The following PIK3CA variants were observed in gnomAD, a reference collection of about 807,000 sequenced individuals.
PIK3CA encodes phosphatidylinositol-4,5-bisphosphate 3-kinase catalytic subunit alpha, also known as phosphatidylinositol 4,5-bisphosphate 3-kinase catalytic subunit alpha isoform.
Under a neutral mutation model 138.2 loss-of-function variants are expected in PIK3CA, and 27 were observed. The observed-to-expected ratio is 0.20, with a 90% confidence interval of 0.14 to 0.27. PIK3CA has a LOEUF of 0.27. Among genes scored for constraint, PIK3CA ranks in the 10% least tolerant of loss-of-function variants. PIK3CA has a pLI of 1.00. For synonymous variants in PIK3CA, 358 were observed against 413.2 expected, an observed-to-expected ratio of 0.87 and a Z score of 1.62; for missense variants, 544 against 1,277.4, an observed-to-expected ratio of 0.43 and a Z score of 8.75.
Position 179,209,610 on chromosome 3 carries a change from G to A in PIK3CA, c.1161G>A (p.Leu387=). The A allele has an allele frequency of 6.2e-7, 1 of 1,602,492 alleles. No homozygotes were observed. The highest frequency in any genetic ancestry group is 1.1e-5 in the South Asian group (1 of 88,794). ...TTTTACATAGGTGGAATGAATGGCT[G>A]AATTATGATATATACATTCCTGATC... ...PCSNPRWNEW[L]NYDIYIPDLP... The change falls in exon 7 of 21, where the codon CTG becomes CTA. Residue 387 remains leucine (L), a synonymous_variant. Transcript: ENST00000263967.
intron 1 of PIK3CA, among the ~76,000 whole-genome samples, chr3:179,167,929 G>A (rs1723460202): frequency 6.6e-6 from 1 of 152,070 alleles, no homozygotes; most frequent in South Asian, 2.1e-4. Context: ...CGTGCCATTA[G>A]TGCTGCTGGA....
At chr3:179,223,275 T>G (rs1277296086) in intron 14 of PIK3CA, among the ~76,000 whole-genome samples, 7 of 152,204 alleles carry the variant, frequency 4.6e-5, no homozygotes, top group Non-Finnish European at 8.8e-5. Context: ...TTATTATAAT[T>G]CCTAGCTCCT....
chr3:179,201,432 C>A lies in PIK3CA; in HGVS notation c.705C>A (p.Ser235=), dbSNP rs879254356. The A allele has an allele frequency of 6.2e-7, 1 of 1,613,776 alleles. No homozygotes were observed. The highest frequency in any genetic ancestry group is 8.5e-7 in the Non-Finnish European group (1 of 1,179,850). Residue 235 remains serine, a synonymous_variant, in exon 4 of 21, where the codon TCC becomes TCA. Transcript: ENST00000263967. ...AAAAAACTCGAAGTATGTTGCTATC[C>A]TCTGAACAACTAAAACTCTGTGTTT... The part of the protein sequence containing the change: ...IRKKTRSMLL[S]SEQLKLCVLE...
At chr3:179,148,169 G>A (rs1560118325), upstream of PIK3CA, 1 of 149,450 alleles carries the variant, frequency 6.7e-6, no homozygotes, top group Non-Finnish European at 1.5e-5. Context: ...TCTGCCGGAG[G>A]AGGGGGGGGG....
At chr3:179,186,311 C>G (rs991661047) in intron 1 of PIK3CA, among the ~76,000 whole-genome samples, 2 of 152,068 alleles carry the variant, frequency 1.3e-5, no homozygotes, top group African/African-American at 4.8e-5. Flanking sequence ...GATAATGTAC[C>G]CTTTTGTTTC....
rs1576948462 is a variant in PIK3CA, at chr3:179,231,000, T to C, written c.2936+624T>C. On this transcript the variant is annotated intron_variant, in intron 20 of 20. Coordinates refer to ENST00000263967, the MANE Select transcript of PIK3CA (RefSeq NM_006218.4). This position sits in a 1 kb window ranked among gnomAD's most constrained non-coding sequence, Gnocchi z 5.4. The stretch of plus-strand genomic sequence containing the variant: ...TCCCACCGTCTCCCATCTGAGTCTC[T>C]GTAGTCCATTATATCACTCTGTATG... 6.6e-6 allele frequency among the ~76,000 whole-genome samples: 1 copy of C among 152,252 alleles called. No individual in the cohort carries two copies. The highest frequency in any genetic ancestry group is 1.9e-4 in the East Asian group (1 of 5,176).
At chr3:179,207,148 G>C (rs1398992433) in intron 6 of PIK3CA, among the ~76,000 whole-genome samples, 1 of 152,092 alleles carries the variant, frequency 6.6e-6, no homozygotes, top group South Asian at 2.1e-4. Flanking sequence ...TAAAAAGATA[G>C]AAAAGTAGAT....
Position 179,201,313 on chromosome 3 carries a change from G to A in PIK3CA, c.586G>A (p.Val196Ile), listed in dbSNP as rs541134560. 3.1e-6 allele frequency: 5 copies of A among 1,612,582 alleles called. No individual in the cohort carries two copies. Among genetic ancestry groups the A allele is most frequent in the Non-Finnish European group, 4.2e-6 (5 of 1,178,868 alleles). The change falls in exon 4 of 21, where the codon GTA becomes ATA. Residue 196 changes from valine (V) to isoleucine (I), a missense_variant. By Grantham distance (29) the Val-to-Ile change is conservative (BLOSUM62 3). This residue lies in a region of PIK3CA where 234 missense variants were observed against 401.3 expected (regional missense o/e 0.58). Coordinates refer to ENST00000263967, the MANE Select transcript of PIK3CA (RefSeq NM_006218.4). ...AGGGCAAATAATAGTGGTGATCTGG[G>A]TAATAGTTTCTCCAAATAATGACAA... is the stretch of plus-strand genomic sequence containing the variant. ...DKGQIIVVIW[V>I]IVSPNNDKQK... is the part of the protein sequence containing the mutation.
chr3:179,219,685 A>G lies in PIK3CA; in HGVS notation c.1861A>G (p.Lys621Glu), dbSNP rs773111475. 3.7e-6 allele frequency: 6 copies of G among 1,611,416 alleles called. No homozygotes were observed. Among genetic ancestry groups the G allele is most frequent in the Non-Finnish European group, 5.1e-6 (6 of 1,177,970 alleles). Reference protein sequence around the residue: ...VRGFAVRCLEKYLTDDKLSQY... With the variant: ...VRGFAVRCLEEYLTDDKLSQY... ...AGGTTTTGCTGTTCGGTGCTTGGAA[A>G]AATATTTAACAGATGACAAACTTTC... Residue 621 changes from lysine to glutamate, a missense_variant, in exon 12 of 21, where the codon AAA becomes GAA. Coordinates refer to ENST00000263967, the MANE Select transcript of PIK3CA (RefSeq NM_006218.4). The surrounding 1 kb of genome is among the most constrained non-coding windows in gnomAD (Gnocchi z 4.2).
intron 1 of PIK3CA, among the ~76,000 whole-genome samples, chr3:179,149,942 ACACTTTGCTTT>A (rs1722967716): frequency 6.6e-6 from 1 of 152,096 alleles, no homozygotes; most frequent in Non-Finnish European, 1.5e-5. Flanking sequence ...ATAAATCAAA[ACACTTTGCTTT>A]CAAAGCAACT....
rs547167982 is a variant in PIK3CA at position 179,226,370 on chromosome 3, TTTCTAA to T, written c.2495+337_2495+342del. On this transcript the variant is annotated intron_variant, in intron 17 of 20. Transcript: ENST00000263967. ...TAAAAGAAAGTTTCATAATGGGAAT[TTTCTAA>T]TTCTAAAACTGTATAAATCCTCAAA... Among the ~76,000 whole-genome samples, 886 of 152,194 alleles carry T rather than the reference TTTCTAA, an allele frequency of 5.8e-3. 2 individuals are homozygous for T. The highest frequency in any genetic ancestry group is 8.0e-3 in the Non-Finnish European group (543 of 67,984).
At chr3:179,210,117 G>T in intron 7 of PIK3CA, 69 bp from the exon 8 acceptor site, 3 of 1,213,990 alleles carry the variant, frequency 2.5e-6, no homozygotes, top group Non-Finnish European at 2.3e-6. Flanking sequence ...TTTTCCTTTT[G>T]GGGAAGAAAA....
intron 1 of PIK3CA, among the ~76,000 whole-genome samples, chr3:179,194,249 G>T (rs1724207540): frequency 6.6e-6 from 1 of 151,938 alleles, no homozygotes; most frequent in Admixed American, 6.6e-5. Context: ...TTGGAGACAG[G>T]GTCTTGCTCT....
intron 1 of PIK3CA, among the ~76,000 whole-genome samples, chr3:179,197,459 T>G (rs1385017188): frequency 5.9e-5 from 9 of 152,222 alleles, no homozygotes; most frequent in Non-Finnish European, 1.3e-4. Flanking sequence ...ATTTATTCTG[T>G]TTTGTAAGTG....
Position 179,199,807 on chromosome 3 carries a change from A to G in PIK3CA, c.470A>G (p.Asn157Ser), listed in dbSNP as rs200001957. The G allele has an allele frequency of 1.8e-5, 29 of 1,612,774 alleles. No individual in the cohort carries two copies. Among genetic ancestry groups the G allele is most frequent in the East Asian group, 4.5e-5 (2 of 44,800 alleles). Residue 157 changes from asparagine (N) to serine (S), a missense_variant, in exon 3 of 21, where the codon AAT becomes AGT. Physicochemically the swap from Asn to Ser is conservative, Grantham distance 46. This residue lies in a region of PIK3CA where 234 missense variants were observed against 401.3 expected (regional missense o/e 0.58). Coordinates refer to ENST00000263967, the MANE Select transcript of PIK3CA (RefSeq NM_006218.4). ...GAAGCTGTGGATCTTAGGGACCTCA[A>G]TTCACCTCATAGTAGAGCAATGTAT... ...CKEAVDLRDLNSPHSRAMYVY... is the reference protein window; with the variant it reads ...CKEAVDLRDLSSPHSRAMYVY...
intron 1 of PIK3CA, among the ~76,000 whole-genome samples, chr3:179,197,989 G>A (rs1028358064): frequency 9.2e-5 from 14 of 152,172 alleles, no homozygotes; most frequent in African/African-American, 3.1e-4. Context: ...TTATTTATGT[G>A]TAGATTCATT....
intron 20 of PIK3CA, among the ~76,000 whole-genome samples, chr3:179,233,129 G>A (rs1725250789): frequency 6.6e-6 from 1 of 152,092 alleles, no homozygotes; most frequent in Admixed American, 6.6e-5. Context: ...AAAGTGCTGG[G>A]ATTATAGAAA....
At chr3:179,215,644 T>C (rs1305561209) in intron 9 of PIK3CA, among the ~76,000 whole-genome samples, 1 of 152,184 alleles carries the variant, frequency 6.6e-6, no homozygotes, top group Non-Finnish European at 1.5e-5. Flanking sequence ...GCCCAGTGTC[T>C]TGCATCATCT....
At chr3:179,162,495 G>C (rs1380559870) in intron 1 of PIK3CA, among the ~76,000 whole-genome samples, 1 of 151,976 alleles carries the variant, frequency 6.6e-6, no homozygotes, top group African/African-American at 2.4e-5. Flanking sequence ...ACATGCCTAA[G>C]TTAGACTTAA....
Sources: gnomAD v4.1 joint callset for allele counts (sites outside exome capture counted in the v4.1 genomes callset) on GRCh38, gnomAD v4.1.1 for gene constraint, gnomAD v4.1.1 regional missense constraint, Gnocchi (gnomAD v3.1) non-coding constraint, MANE v1.5 for transcripts, NCBI Gene and HGNC (gene_info 2026-07-23, HGNC 2026-07-21) for gene names.